The following CDH4 variants were observed in gnomAD, a reference collection of about 807,000 sequenced individuals.
The protein encoded by CDH4 is cadherin 4, also known as cadherin-4.
Under a neutral mutation model 86.0 loss-of-function variants are expected in CDH4, and 33 were observed. The ratio of observed to expected loss-of-function variants is 0.38; its 90% CI spans 0.29 to 0.51. The LOEUF (loss-of-function observed/expected upper bound fraction) is 0.51, where lower values mean the gene tolerates loss of function less well. Ranked by LOEUF, CDH4 falls within the 20% of genes least tolerant of loss-of-function variation. CDH4 has a pLI of 0.86. For synonymous variants in CDH4, 555 were observed against 549.4 expected (o/e 1.01, Z -0.14); for missense variants, 1,114 against 1,307.4 (o/e 0.85, Z 2.28).
At chr20:61,391,718 G>A (rs984898739) in intron 2 of CDH4, among the ~76,000 whole-genome samples, 3 of 152,138 alleles carry the variant, frequency 2.0e-5, no homozygotes, top group Admixed American at 6.5e-5. Context: ...GTAGAAAAGC[G>A]GAGAACCAGT....
chr20:61,798,772 C>T (rs1979681527), intron 4 of CDH4, among the ~76,000 whole-genome samples: 1 of 152,224 alleles, frequency 6.6e-6, no homozygotes, highest in Non-Finnish European at 1.5e-5. Flanking sequence ...CGCAGCAGCC[C>T]CAGGTGCCAG....
At chr20:61,702,210 C>G (rs1328376339) in intron 2 of CDH4, among the ~76,000 whole-genome samples, 1 of 152,254 alleles carries the variant, frequency 6.6e-6, no homozygotes. Flanking sequence ...TAAAGCCCAG[C>G]TGGCCGCCTC....
chr20:61,890,386 G>C lies in CDH4; in HGVS notation c.1051-4524G>C, dbSNP rs570780848. On this transcript the variant is annotated intron_variant, in intron 7 of 15. Coordinates refer to ENST00000614565, the MANE Select transcript of CDH4 (RefSeq NM_001794.5). ...ATAATGGATGGGTAAGCAGATGGTG[G>C]ATGGTAGATGGGTGGATGGATGGAT... Among the ~76,000 whole-genome samples the C allele has an allele frequency of 2.6e-5, 4 of 151,320 alleles. No homozygotes were observed. In the South Asian group the frequency reaches 8.4e-4, roughly 32 times the overall value.
Position 61,771,177 on chromosome 20 carries a change from A to T in CDH4, c.397-1826A>T, listed in dbSNP as rs535119986. On this transcript the variant is annotated intron_variant, in intron 3 of 15. Transcript: ENST00000614565. Reference sequence around the variant, plus strand: ...AGGCATGTGCCACCACACCTGCCTAATTTTAGATTTTTAGTAGAGATGGGG... The same window carrying T: ...AGGCATGTGCCACCACACCTGCCTATTTTTAGATTTTTAGTAGAGATGGGG... 6.3e-3 allele frequency among the ~76,000 whole-genome samples: 950 copies of T among 151,398 alleles called. 10 individuals are homozygous for T. The highest frequency in any genetic ancestry group is 0.022 in the African/African-American group (899 of 41,370).
At chr20:61,919,295 C>G (rs147473643) in intron 9 of CDH4, among the ~76,000 whole-genome samples, 104 of 152,324 alleles carry the variant, frequency 6.8e-4, no homozygotes, top group African/African-American at 2.5e-3. Flanking sequence ...AGATCAGGCC[C>G]TGAGAGGCTG....
intron 2 of CDH4, among the ~76,000 whole-genome samples, chr20:61,653,084 C>A (rs2087141986): frequency 1.6e-5 from 2 of 126,722 alleles, no homozygotes; most frequent in African/African-American, 2.8e-5. Flanking sequence ...GACCCTGCGG[C>A]CTTCCGCAGT....
At chr20:61,617,246 A>G (rs920747290) in intron 2 of CDH4, among the ~76,000 whole-genome samples, 18 of 152,120 alleles carry the variant, frequency 1.2e-4, no homozygotes, top group African/African-American at 3.6e-4. Flanking sequence ...CTTTCCTCTT[A>G]GAAGCTAAGC....
At chr20:61,922,220 A>G (rs1015755045) in intron 9 of CDH4, among the ~76,000 whole-genome samples, 1 of 152,228 alleles carries the variant, frequency 6.6e-6, no homozygotes, top group African/African-American at 2.4e-5. Flanking sequence ...TTTTAATGCA[A>G]TTGAGACACA....
At chr20:61,725,044 C>G (rs2088093803) in intron 2 of CDH4, among the ~76,000 whole-genome samples, 1 of 152,132 alleles carries the variant, frequency 6.6e-6, no homozygotes, top group African/African-American at 2.4e-5. Context: ...TGCAGGAGTT[C>G]AAGATGGTAC....
chr20:61,414,503 A>G (rs2085136142), intron 2 of CDH4, among the ~76,000 whole-genome samples: 1 of 152,162 alleles, frequency 6.6e-6, no homozygotes, highest in African/African-American at 2.4e-5. Flanking sequence ...GCTTGCTACA[A>G]ATGCTTGCCG....
intron 2 of CDH4, among the ~76,000 whole-genome samples, chr20:61,586,626 G>A (rs550466669): frequency 6.6e-6 from 1 of 152,280 alleles, no homozygotes; most frequent in East Asian, 1.9e-4. Context: ...TGATCCTTTT[G>A]TAGACAAAAA....
At chr20:61,464,685 T>A (rs1476059591) in intron 2 of CDH4, among the ~76,000 whole-genome samples, 1 of 152,160 alleles carries the variant, frequency 6.6e-6, no homozygotes, top group Non-Finnish European at 1.5e-5. Context: ...TCCGGTCCTA[T>A]TAACAGCCTG....
intron 2 of CDH4, among the ~76,000 whole-genome samples, chr20:61,520,525 C>T (rs570441604): frequency 4.1e-4 from 62 of 152,314 alleles, no homozygotes; most frequent in African/African-American, 1.1e-3. Flanking sequence ...GCGCTTAGCA[C>T]GGAGTGAAGC....
At chr20:61,923,407 G>A (rs374842885) in intron 9 of CDH4, 44 bp from the exon 10 acceptor site, 175 of 1,603,930 alleles carry the variant, frequency 1.1e-4, no homozygotes, top group South Asian at 6.6e-5. Flanking sequence ...CCACTCCCAC[G>A]GGAGCTGTGC....
chr20:61,604,995 G>C (rs977987186), intron 2 of CDH4, among the ~76,000 whole-genome samples: 1 of 152,174 alleles, frequency 6.6e-6, no homozygotes, highest in Non-Finnish European at 1.5e-5. Flanking sequence ...GGGTGAAATG[G>C]TTCCATTATT....
rs2085561723 is a variant in CDH4 at position 61,480,285 on chromosome 20, G to A, written c.169+225348G>A. Among the ~76,000 whole-genome samples the A allele has an allele frequency of 6.6e-6, 1 of 152,152 alleles. No individual in the cohort carries two copies. The highest frequency in any genetic ancestry group is 2.1e-4 in the South Asian group (1 of 4,820). ...GGAAACTCCCCAAGCGGAAGCCGGG[G>A]CAGCTGTGGCGCCCCCTGGCTGTGT... On this transcript the variant is annotated intron_variant, in intron 2 of 15. Transcript: ENST00000614565. The surrounding 1 kb of genome is among the most constrained non-coding windows in gnomAD (Gnocchi z 5.2).
At chr20:61,538,627 C>T (rs991471645) in intron 2 of CDH4, among the ~76,000 whole-genome samples, 2 of 152,172 alleles carry the variant, frequency 1.3e-5, no homozygotes, top group Non-Finnish European at 2.9e-5. Flanking sequence ...TCCTGCCCCT[C>T]GTGCGTTCAT....
intron 4 of CDH4, among the ~76,000 whole-genome samples, chr20:61,802,925 G>T (rs1979908232): frequency 6.6e-6 from 1 of 152,230 alleles, no homozygotes; most frequent in African/African-American, 2.4e-5. Context: ...CGCTGGAGGG[G>T]CTTCTCCGAA....
rs1179997850 is a variant in CDH4, at chr20:61,422,457, AAAAAAAAAAACC to A, written c.169+167524_169+167535del. Among the ~76,000 whole-genome samples, 56 of 61,626 alleles carry A rather than the reference AAAAAAAAAAACC, an allele frequency of 9.1e-4. 4 individuals are homozygous for A. Among genetic ancestry groups the A allele is most frequent in the African/African-American group, 3.1e-3 (45 of 14,478 alleles). The allele number at this position is 61,626 out of a possible 152,430, so 40.4% of individuals were successfully genotyped here. Reference sequence around the variant, plus strand: ...AAAAAAAAAAAAAAAAAAAAAAAAAAAAAAAAAAAACCAAATCTCCCCAAGTGTCTTCTTTAA... The same window carrying A: ...AAAAAAAAAAAAAAAAAAAAAAAAAAAAATCTCCCCAAGTGTCTTCTTTAA... On this transcript the variant is annotated intron_variant, in intron 2 of 15. Coordinates refer to ENST00000614565, the MANE Select transcript of CDH4 (RefSeq NM_001794.5).
Sources: allele counts gnomAD v4.1 joint callset (sites outside exome capture counted in the v4.1 genomes callset), GRCh38; gene constraint gnomAD v4.1.1; non-coding constraint Gnocchi (gnomAD v3.1); transcripts MANE v1.5; gene names NCBI Gene and HGNC (gene_info 2026-07-23, HGNC 2026-07-21).